The following CEP170 variants were observed in gnomAD, a reference collection of about 807,000 sequenced individuals.
CEP170 encodes centrosomal protein 170, also known as centrosomal protein of 170 kDa.
In CEP170, 21 loss-of-function variants were observed where a neutral mutation model predicts 151.9. The observed-to-expected ratio is 0.14, with a 90% CI of 0.10 to 0.20. The LOEUF is 0.20. Ranked by LOEUF, CEP170 falls within the 10% of genes least tolerant of loss-of-function variation. The pLI is 1.00. For missense variants in CEP170, 964 were observed against 1,892.9 expected, an observed-to-expected ratio of 0.51 and a Z score of 9.11; for synonymous variants, 356 against 648.8, an observed-to-expected ratio of 0.55 and a Z score of 6.86.
intron 1 of CEP170, among the ~76,000 whole-genome samples, chr1:243,244,517 T>C (rs1452697889): frequency 6.6e-6 from 1 of 151,844 alleles, no homozygotes; most frequent in Non-Finnish European, 1.5e-5. Flanking sequence ...CTCAGGCAGG[T>C]AGATAGCTTG....
chr1:243,230,523 TG>T (rs1280348237), intron 1 of CEP170, among the ~76,000 whole-genome samples: 7 of 151,828 alleles, frequency 4.6e-5, no homozygotes, highest in African/African-American at 1.7e-4. Flanking sequence ...AAACAGTGTA[TG>T]AAAAAAATGA....
chr1:243,186,362 C>A lies in CEP170; in HGVS notation c.1169G>T (p.Cys390Phe). ...TTCCTCAAGAGTTGCACGTTTGCTA[C>A]AGCGCCTGTGAGCCCCAGCGTTCTC... is the stretch of plus-strand genomic sequence containing the variant. The part of the protein sequence containing the change: ...DSENAGAHRR[C>F]SKRATLEEHL... The change falls in exon 9 of 20, where the codon TGT becomes TTT. Residue 390 changes from cysteine to phenylalanine, a missense_variant. Physicochemically the swap from Cys to Phe is radical, Grantham distance 205. Transcript: ENST00000366542. The A allele has an allele frequency of 6.2e-7, 1 of 1,613,672 alleles. No homozygotes were observed. The highest frequency in any genetic ancestry group is 8.5e-7 in the Non-Finnish European group (1 of 1,179,676).
At position 243,186,233 on chromosome 1, in the gene CEP170, G is replaced by A. The variant is rs1413146926; in HGVS notation, c.1272+26C>T. 4.3e-6 allele frequency: 7 copies of A among 1,613,358 alleles called. No individual in the cohort carries two copies. The Admixed American group carries it at 6.7e-5, about 15-fold the overall frequency. The stretch of plus-strand genomic sequence containing the variant: ...TCTGGGATTGTCTTCATCAAAGAAT[G>A]CAATCATAAAAGCAGTTTGACTTAC... On this transcript the variant is annotated intron_variant, in intron 9 of 19. Transcript: ENST00000366542.
chr1:243,168,819 T>C (rs1042503579), intron 12 of CEP170, among the ~76,000 whole-genome samples: 15 of 152,008 alleles, frequency 9.9e-5, no homozygotes, highest in Admixed American at 3.9e-4. Context: ...AAAGCCTTTA[T>C]ATTTCTGTTC....
chr1:243,234,219 T>G (rs898330516), intron 1 of CEP170, among the ~76,000 whole-genome samples: 4 of 152,110 alleles, frequency 2.6e-5, no homozygotes, highest in Admixed American at 2.6e-4. Context: ...GGCCTCACAT[T>G]AGGACTATCG....
intron 2 of CEP170, among the ~76,000 whole-genome samples, chr1:243,222,658 A>G (rs12079702): frequency 0.32 from 49,040 of 152,108 alleles, 8,191 homozygotes; most frequent in South Asian, 0.54. Flanking sequence ...TGGGGAACAG[A>G]CATGACTTCC....
intron 1 of CEP170, among the ~76,000 whole-genome samples, chr1:243,233,631 G>T (rs900408528): frequency 6.6e-6 from 1 of 151,034 alleles, no homozygotes; most frequent in Admixed American, 6.6e-5. Flanking sequence ...TAATTAGGAG[G>T]CTGAGGCAGG....
chr1:243,150,529 A>C (rs1241314856), intron 14 of CEP170, among the ~76,000 whole-genome samples: 1 of 152,180 alleles, frequency 6.6e-6, no homozygotes, highest in Non-Finnish European at 1.5e-5. Flanking sequence ...AGGACAAAAA[A>C]TTTTTTAATA....
intron 8 of CEP170, among the ~76,000 whole-genome samples, chr1:243,187,797 A>C (rs1047748610): frequency 3.9e-5 from 6 of 152,210 alleles, no homozygotes; most frequent in Admixed American, 2.0e-4. Context: ...AAAAGGAATG[A>C]GAAGACACAG....
At chr1:243,139,105 CT>C (rs370290389) in intron 16 of CEP170, among the ~76,000 whole-genome samples, 167 of 135,998 alleles carry the variant, frequency 1.2e-3, no homozygotes, top group Middle Eastern at 3.7e-3. Flanking sequence ...TTTTCTTTTT[CT>C]TTTTTTTTTT....
intron 1 of CEP170, among the ~76,000 whole-genome samples, chr1:243,235,286 T>C (rs745382137): frequency 2.4e-4 from 37 of 152,200 alleles, no homozygotes; most frequent in Non-Finnish European, 5.0e-4. Context: ...GGAAATATCT[T>C]TGAGAAACTG....
intron 1 of CEP170, among the ~76,000 whole-genome samples, chr1:243,236,126 T>G (rs185416786): frequency 3.3e-5 from 5 of 152,328 alleles, no homozygotes; most frequent in Admixed American, 3.3e-4. Context: ...ATTCTTTCAT[T>G]TAACTCCCAA....
intron 8 of CEP170, among the ~76,000 whole-genome samples, chr1:243,187,147 A>G (rs2059989596): frequency 6.6e-6 from 1 of 152,206 alleles, no homozygotes; most frequent in Non-Finnish European, 1.5e-5. Context: ...TCTAAGGACC[A>G]CTGGGCAAAC....
chr1:243,152,521 ATTTTTTTT>A (rs371392454), intron 14 of CEP170, among the ~76,000 whole-genome samples: 14 of 54,956 alleles, frequency 2.5e-4, no homozygotes, highest in South Asian at 1.0e-3. Context: ...GCGCCCAGCC[ATTTTTTTT>A]TTTTTTTTTT....
intron 3 of CEP170, among the ~76,000 whole-genome samples, chr1:243,219,539 T>G (rs2062606040): frequency 6.6e-6 from 1 of 152,214 alleles, no homozygotes; most frequent in South Asian, 2.1e-4. Context: ...ATGTTTCACC[T>G]GATTATTTTT....
chr1:243,212,183 C>A (rs930768583), intron 3 of CEP170, among the ~76,000 whole-genome samples: 7 of 152,184 alleles, frequency 4.6e-5, no homozygotes, highest in Non-Finnish European at 1.0e-4. Context: ...GAACCCAGTG[C>A]TGCCAAGATG....
intron 14 of CEP170, among the ~76,000 whole-genome samples, chr1:243,150,395 C>G (rs2056951049): frequency 6.6e-6 from 1 of 152,216 alleles, no homozygotes; most frequent in African/African-American, 2.4e-5. Context: ...AGGTGATCCG[C>G]CTGCCTTGGC....
intron 1 of CEP170, among the ~76,000 whole-genome samples, chr1:243,251,359 A>G (rs973177447): frequency 1.3e-5 from 2 of 152,232 alleles, no homozygotes; most frequent in Non-Finnish European, 2.9e-5. Context: ...TAACTTACTA[A>G]AAAAGATGAG....
chr1:243,186,591 A>G, intron 8 of CEP170, 169 bp from the exon 9 acceptor site: 2 of 605,212 alleles, frequency 3.3e-6, no homozygotes, highest in Non-Finnish European at 5.6e-6. Flanking sequence ...CAATGGTTAC[A>G]TTCAAATTTT....
Sources: allele counts gnomAD v4.1 joint callset (sites outside exome capture counted in the v4.1 genomes callset), GRCh38; gene constraint gnomAD v4.1.1; transcripts MANE v1.5; gene names NCBI Gene and HGNC (gene_info 2026-07-23, HGNC 2026-07-21).